DNAJC15: variants seen among roughly 807,000 people sequenced by gnomAD.
DNAJC15 encodes the protein dnaJ homolog subfamily C member 15.
DNAJC15 carries 27 observed loss-of-function variants against 22.4 expected under a neutral mutation model. That is an observed-to-expected ratio of 1.20 (90% confidence interval 0.89 to 1.66). The LOEUF (loss-of-function observed/expected upper bound fraction) is 1.66. Ranked by LOEUF, DNAJC15 falls within the 40% of genes most tolerant of loss-of-function variation. The pLI, the probability that DNAJC15 is intolerant of heterozygous loss-of-function variation, is 0.00. For synonymous variants in DNAJC15, 79 were observed against 63.2 expected (o/e 1.25, Z -1.19); for missense variants, 208 against 187.1 (o/e 1.11, Z -0.65).
chr13:43,055,987 C>T (rs1405044246), intron 1 of DNAJC15, among the ~76,000 whole-genome samples: 1 of 152,018 alleles, frequency 6.6e-6, no homozygotes, highest in Non-Finnish European at 1.5e-5. Context: ...ATCTTGATTT[C>T]ATTGTTGACC....
chr13:43,065,564 C>A lies in DNAJC15; in HGVS notation c.109-122C>A, dbSNP rs369618204. ...ACTGCATATTTTTTTAAGTCCTGATCTTCACAGTAGAGCTTAAAGAAAGTG... is the reference window on the plus strand; with the variant it reads ...ACTGCATATTTTTTTAAGTCCTGATATTCACAGTAGAGCTTAAAGAAAGTG... On this transcript the variant is annotated intron_variant, in intron 1 of 5. Coordinates refer to ENST00000379221, the MANE Select transcript of DNAJC15 (RefSeq NM_013238.3). The A allele has an allele frequency of 4.9e-5, 38 of 774,762 alleles. 1 individual carries two copies. In the African/African-American group the frequency reaches 5.4e-4, roughly 11 times the overall value. 48.0% of individuals were successfully genotyped at this position (774,762 alleles called of 1,614,324 possible). A position where few individuals can be genotyped will look rare whatever the true frequency, so the allele number is the denominator to read the frequency against.
At chr13:43,073,414 C>T (rs1332366311) in intron 3 of DNAJC15, among the ~76,000 whole-genome samples, 1 of 152,164 alleles carries the variant, frequency 6.6e-6, no homozygotes, top group African/African-American at 2.4e-5. Flanking sequence ...CTTTGGTTCT[C>T]TTAGTACCTA....
In DNAJC15 at chr13:43,112,091, G is replaced by GA. The variant is rs1224574611; in HGVS notation, c.*4844dup. On this transcript the variant is annotated 3_prime_UTR_variant, in exon 6 of 6. Coordinates refer to ENST00000379221, the MANE Select transcript of DNAJC15 (RefSeq NM_013238.3). ...GGACAAAGAAAATGTTCCTTCTAAT[G>GA]ATTTTTTATGAGCTGAGTAGCTATT... 1 of 152,156 alleles carries GA rather than the reference G, an allele frequency of 6.6e-6. No individual in the cohort carries two copies. 9.4% of individuals were successfully genotyped at this position (152,156 alleles called of 1,614,324 possible).
intron 1 of DNAJC15, among the ~76,000 whole-genome samples, chr13:43,029,912 CAAAT>C (rs1162407542): frequency 2.0e-5 from 3 of 151,968 alleles, no homozygotes; most frequent in Non-Finnish European, 4.4e-5. Flanking sequence ...ATTAAATTAA[CAAAT>C]GAATGAAACC....
rs777478178 is a variant in DNAJC15 at position 43,109,853 on chromosome 13, G to A, written c.*2605G>A. 17 of 142,466 alleles carry A rather than the reference G, an allele frequency of 1.2e-4. No individual in the cohort carries two copies. Among genetic ancestry groups the A allele is most frequent in the Non-Finnish European group, 2.4e-4 (15 of 61,844 alleles). The allele number at this position is 142,466 out of a possible 1,614,324, so 8.8% of individuals were successfully genotyped here. A position where few individuals can be genotyped will look rare whatever the true frequency, so the allele number is the denominator to read the frequency against. ...GTGCACATGTGCCCTAGAACTTAAA[G>A]TATAATAAAAAGAAATTTTAAAAAA... On this transcript the variant is annotated 3_prime_UTR_variant, in exon 6 of 6. Coordinates refer to ENST00000379221, the MANE Select transcript of DNAJC15 (RefSeq NM_013238.3).
intron 1 of DNAJC15, among the ~76,000 whole-genome samples, chr13:43,028,310 T>A (rs1566198335): frequency 6.6e-6 from 1 of 152,192 alleles, no homozygotes. Context: ...AGTGCCATCA[T>A]GTGCACTTTC....
At chr13:43,034,980 C>CAAA (rs375946851) in intron 1 of DNAJC15, among the ~76,000 whole-genome samples, 3 of 152,212 alleles carry the variant, frequency 2.0e-5, no homozygotes, top group African/African-American at 7.2e-5. Flanking sequence ...CCATTTTTAT[C>CAAA]CTCCCACCCT....
chr13:43,034,105 T>C (rs1407319337), intron 1 of DNAJC15, among the ~76,000 whole-genome samples: 2 of 152,000 alleles, frequency 1.3e-5, no homozygotes, highest in East Asian at 1.9e-4. Flanking sequence ...ACATGTTTGT[T>C]GCAATTGATG....
At chr13:43,030,020 A>G (rs2040397546) in intron 1 of DNAJC15, among the ~76,000 whole-genome samples, 1 of 152,170 alleles carries the variant, frequency 6.6e-6, no homozygotes, top group Non-Finnish European at 1.5e-5. Context: ...AAATGAGACT[A>G]TGCCTCTTTG....
Position 43,102,326 on chromosome 13 carries a change from A to G in DNAJC15, c.383-4852A>G, listed in dbSNP as rs1593333206. On this transcript the variant is annotated intron_variant, in intron 5 of 5. Coordinates refer to ENST00000379221, the MANE Select transcript of DNAJC15 (RefSeq NM_013238.3). ...TTTGAGTTTCTTGTAGATTCTGTATATTAGCCCTTTGTCAGATACACAGTT... is the reference window on the plus strand; with the variant it reads ...TTTGAGTTTCTTGTAGATTCTGTATGTTAGCCCTTTGTCAGATACACAGTT... 3.3e-5 allele frequency among the ~76,000 whole-genome samples: 5 copies of G among 152,156 alleles called. 1 individual carries two copies. Among genetic ancestry groups the G allele is most frequent in the Admixed American group, 3.3e-4 (5 of 15,284 alleles).
At chr13:43,028,601 T>G (rs2040390934) in intron 1 of DNAJC15, among the ~76,000 whole-genome samples, 1 of 152,212 alleles carries the variant, frequency 6.6e-6, no homozygotes, top group Non-Finnish European at 1.5e-5. Flanking sequence ...CACAGGACTC[T>G]TCATGTACTG....
chr13:43,069,684 G>T (rs1205788175), intron 3 of DNAJC15, among the ~76,000 whole-genome samples: 2 of 152,226 alleles, frequency 1.3e-5, no homozygotes. Flanking sequence ...CAGGGAAACA[G>T]AAGCAGATCT....
At chr13:43,106,601 A>C (rs191700013) in intron 5 of DNAJC15, among the ~76,000 whole-genome samples, 63 of 152,246 alleles carry the variant, frequency 4.1e-4, no homozygotes, top group Non-Finnish European at 8.8e-5. Flanking sequence ...CATTATTTTT[A>C]TCTCTCATTT....
chr13:43,102,146 C>T (rs1027777471), intron 5 of DNAJC15, among the ~76,000 whole-genome samples: 1 of 151,980 alleles, frequency 6.6e-6, no homozygotes, highest in African/African-American at 2.4e-5. Flanking sequence ...GATGGTATGG[C>T]ATTCTGGTTT....
At position 43,103,589 on chromosome 13, in the gene DNAJC15, A is replaced by T. The variant is rs558624741; in HGVS notation, c.383-3589A>T. ...CATGATCAGTTACAGTAAATGTTCCATGTGCAGTTTAAAAGAAGATATGTT... is the reference window on the plus strand; with the variant it reads ...CATGATCAGTTACAGTAAATGTTCCTTGTGCAGTTTAAAAGAAGATATGTT... On this transcript the variant is annotated intron_variant, in intron 5 of 5. Transcript: ENST00000379221. Among the ~76,000 whole-genome samples the T allele has an allele frequency of 9.2e-5, 14 of 152,342 alleles. No homozygotes were observed. The East Asian group carries it at 2.5e-3, about 27-fold the overall frequency.
chr13:43,056,097 G>A (rs1408872227), intron 1 of DNAJC15, among the ~76,000 whole-genome samples: 2 of 151,720 alleles, frequency 1.3e-5, no homozygotes. Context: ...ACTGTGGTCC[G>A]AGAGAGTACT....
At chr13:43,067,863 A>T (rs1192990757) in intron 2 of DNAJC15, among the ~76,000 whole-genome samples, 1 of 152,198 alleles carries the variant, frequency 6.6e-6, no homozygotes, top group African/African-American at 2.4e-5. Context: ...ATGGAAGATG[A>T]CATCTATGTG....
At chr13:43,092,942 C>T (rs951959932) in intron 5 of DNAJC15, among the ~76,000 whole-genome samples, 2 of 152,122 alleles carry the variant, frequency 1.3e-5, no homozygotes, top group Non-Finnish European at 2.9e-5. Flanking sequence ...TCTTTAGTGA[C>T]TGTCCAAAGA....
intron 1 of DNAJC15, among the ~76,000 whole-genome samples, chr13:43,037,762 A>T (rs948147110): frequency 2.0e-5 from 3 of 152,178 alleles, no homozygotes; most frequent in African/African-American, 7.2e-5. Context: ...TTATCAACCC[A>T]AGGAATTAGG....
Sources: gnomAD v4.1 joint callset for allele counts (sites outside exome capture counted in the v4.1 genomes callset) on GRCh38, gnomAD v4.1.1 for gene constraint, MANE v1.5 for transcripts, NCBI Gene and HGNC (gene_info 2026-07-23, HGNC 2026-07-21) for gene names.